Variants in GABRG2 observed in about 807,000 individuals in gnomAD.
GABRG2 encodes gamma-aminobutyric acid receptor subunit gamma-2.
GABRG2 carries 16 observed loss-of-function variants against 56.4 expected under a neutral mutation model. The observed-to-expected ratio is 0.28, with a 90% confidence interval of 0.19 to 0.43. The LOEUF is 0.43. GABRG2 is among the 20% of genes least tolerant of loss of function. The pLI, the probability that GABRG2 is intolerant of heterozygous loss-of-function variation, is 1.00. For missense variants in GABRG2, 327 were observed against 582.7 expected (o/e 0.56, Z 4.52); for synonymous variants, 208 against 205.5 (o/e 1.01, Z -0.10).
rs542020832 is a variant in GABRG2 at position 162,086,606 on chromosome 5, T to C, written c.108-7222T>C. 5.3e-5 allele frequency among the ~76,000 whole-genome samples: 8 copies of C among 152,180 alleles called. No individual in the cohort carries two copies. The East Asian group carries it at 1.3e-3, about 26-fold the overall frequency. On this transcript the variant is annotated intron_variant, in intron 1 of 9. Coordinates refer to ENST00000639213, the MANE Select transcript of GABRG2 (RefSeq NM_198904.4). Reference sequence around the variant, plus strand: ...TCTTTCTTTCCTAGTTTCTGTCCTCTTTCTCTTACCTCAAATAACTGCTGT... The same window carrying C: ...TCTTTCTTTCCTAGTTTCTGTCCTCCTTCTCTTACCTCAAATAACTGCTGT...
chr5:162,081,916 A>T (rs1025698537), intron 1 of GABRG2, among the ~76,000 whole-genome samples: 6 of 152,008 alleles, frequency 3.9e-5, no homozygotes, highest in Admixed American at 1.3e-4. Flanking sequence ...CTAAATATTT[A>T]CATGGGATAA....
At chr5:162,103,147 C>T (rs78178962) in intron 5 of GABRG2, 16,442 of 153,594 alleles carry the variant, frequency 0.11, 927 homozygotes, top group Middle Eastern at 0.12. Flanking sequence ...ATTATCCTCC[C>T]TATAAGAGGA....
chr5:162,149,335 C>A, intron 8 of GABRG2, 22 bp downstream of exon 8: 1 of 1,608,316 alleles, frequency 6.2e-7, no homozygotes, highest in Non-Finnish European at 8.5e-7. Flanking sequence ...TTTCCATTGG[C>A]ACCATTGAAA....
rs183162112 is a variant in GABRG2 at position 162,138,919 on chromosome 5, G to C, written c.770-3245G>C. Among the ~76,000 whole-genome samples the C allele has an allele frequency of 3.8e-4, 58 of 152,016 alleles. 1 individual carries two copies. Among genetic ancestry groups the C allele is most frequent in the Non-Finnish European group, 2.2e-4 (15 of 67,986 alleles). ...TACCATGGAATCTTCAAGTTTTTAA[G>C]ATGAGATAGTTTCATGTGGAAAATG... On this transcript the variant is annotated intron_variant, in intron 6 of 9. Transcript: ENST00000639213.
intron 1 of GABRG2, among the ~76,000 whole-genome samples, chr5:162,076,772 A>G (rs1187213331): frequency 3.3e-5 from 5 of 152,118 alleles, no homozygotes; most frequent in Admixed American, 3.3e-4. Flanking sequence ...GAAGGAAACA[A>G]TCTAAGCTGG....
At chr5:162,094,952 A>G (rs1760887776) in intron 2 of GABRG2, among the ~76,000 whole-genome samples, 1 of 152,200 alleles carries the variant, frequency 6.6e-6, no homozygotes, top group Non-Finnish European at 1.5e-5. Flanking sequence ...ATCAGGGAAG[A>G]TTAATTTTGT....
At chr5:162,080,377 G>A (rs1759552560) in intron 1 of GABRG2, among the ~76,000 whole-genome samples, 1 of 152,062 alleles carries the variant, frequency 6.6e-6, no homozygotes. Context: ...AAGGAGCCCA[G>A]CATGAAAATG....
At chr5:162,148,973 A>T in intron 7 of GABRG2, 135 bp from the exon 8 acceptor site, 1 of 760,556 alleles carries the variant, frequency 1.3e-6, no homozygotes, top group Non-Finnish European at 2.3e-6. Flanking sequence ...AGAGTGAATT[A>T]AATCCACTTA....
At chr5:162,088,847 A>T (rs2113258815) in intron 1 of GABRG2, among the ~76,000 whole-genome samples, 1 of 152,272 alleles carries the variant, frequency 6.6e-6, no homozygotes, top group East Asian at 1.9e-4. Context: ...GAGAGAATGT[A>T]TGTGAAATCT....
intron 1 of GABRG2, 110 bp from the exon 2 acceptor site, chr5:162,093,718 T>C: frequency 1.9e-6 from 2 of 1,049,382 alleles, no homozygotes; most frequent in East Asian, 2.5e-5. Context: ...ATTTTCAGTT[T>C]AAACATTTCT....
At chr5:162,071,895 G>T (rs578013577) in intron 1 of GABRG2, among the ~76,000 whole-genome samples, 2 of 151,024 alleles carry the variant, frequency 1.3e-5, no homozygotes, top group African/African-American at 2.4e-5. Flanking sequence ...AATTCAAAAG[G>T]TTACCCTGAG....
chr5:162,094,121 A>G, intron 2 of GABRG2, 142 bp downstream of exon 2: 1 of 878,506 alleles, frequency 1.1e-6, no homozygotes, highest in East Asian at 2.6e-5. Flanking sequence ...GTGTTTAAAT[A>G]GCATTCAGGC....
At chr5:162,150,094 G>A (rs9313911) in intron 8 of GABRG2, 5,480 of 155,202 alleles carry the variant, frequency 0.035, 362 homozygotes, top group African/African-American at 0.12. Context: ...TTTCATTCTC[G>A]AAATGTATCT....
chr5:162,090,482 G>A (rs1301026609), intron 1 of GABRG2, among the ~76,000 whole-genome samples: 1 of 152,012 alleles, frequency 6.6e-6, no homozygotes, highest in Non-Finnish European at 1.5e-5. Flanking sequence ...GTCTGGGTGG[G>A]TCCCAGAGCT....
At chr5:162,107,631 A>T (rs1167044043) in intron 6 of GABRG2, among the ~76,000 whole-genome samples, 1 of 152,188 alleles carries the variant, frequency 6.6e-6, no homozygotes, top group Non-Finnish European at 1.5e-5. Context: ...GGTCGATAAG[A>T]TTTGAAGAAT....
intron 6 of GABRG2, among the ~76,000 whole-genome samples, chr5:162,130,619 G>A (rs1228932417): frequency 2.6e-5 from 4 of 151,884 alleles, no homozygotes; most frequent in African/African-American, 7.3e-5. Context: ...TGGGTTTGGC[G>A]TTATATTTAT....
intron 6 of GABRG2, among the ~76,000 whole-genome samples, chr5:162,109,573 T>C (rs1205068333): frequency 1.3e-5 from 2 of 151,564 alleles, no homozygotes; most frequent in Non-Finnish European, 2.9e-5. Context: ...AGACTAATAG[T>C]CATAATGGAC....
At chr5:162,068,265 G>A (rs757729334) in intron 1 of GABRG2, among the ~76,000 whole-genome samples, 159 bp downstream of exon 1, 23 of 152,086 alleles carry the variant, frequency 1.5e-4, no homozygotes, top group Admixed American at 1.4e-3. Context: ...GGACTGGAGG[G>A]AGGAAAGTGG....
At chr5:162,091,647 A>G (rs1581336703) in intron 1 of GABRG2, among the ~76,000 whole-genome samples, 1 of 152,218 alleles carries the variant, frequency 6.6e-6, no homozygotes, top group East Asian at 1.9e-4. Context: ...GTGAAAAAAA[A>G]ACTAGGTGAT....
Sources: allele counts gnomAD v4.1 joint callset (sites outside exome capture counted in the v4.1 genomes callset), GRCh38; gene constraint gnomAD v4.1.1; transcripts MANE v1.5; gene names NCBI Gene and HGNC (gene_info 2026-07-23, HGNC 2026-07-21).